Variants in TRPM3 observed in about 807,000 individuals in gnomAD.
The protein encoded by TRPM3 is long transient receptor potential channel 3.
TRPM3 carries 77 observed loss-of-function variants against 181.2 expected under a neutral mutation model. The observed-to-expected ratio is 0.42, with a 90% CI of 0.35 to 0.51. The LOEUF is 0.51. Ranked by LOEUF, TRPM3 falls within the 20% of genes least tolerant of loss-of-function variation. The pLI is 0.01. For synonymous variants in TRPM3, 745 were observed against 796.4 expected, an observed-to-expected ratio of 0.94 and a Z score of 1.09; for missense variants, 1,759 against 2,196.7, an observed-to-expected ratio of 0.80 and a Z score of 3.98.
At chr9:71,032,283 C>G (rs972408701) in intron 1 of TRPM3, among the ~76,000 whole-genome samples, 3 of 143,372 alleles carry the variant, frequency 2.1e-5, no homozygotes, top group Non-Finnish European at 4.5e-5. Flanking sequence ...GCTAGTCATT[C>G]TAAATCTACA....
chr9:71,379,146 A>G (rs2092732413), intron 1 of TRPM3, among the ~76,000 whole-genome samples: 1 of 152,024 alleles, frequency 6.6e-6, no homozygotes, highest in Non-Finnish European at 1.5e-5. Context: ...AACTTTTGCT[A>G]CGTGAAATAC....
intron 8 of TRPM3, among the ~76,000 whole-genome samples, chr9:70,742,520 T>G (rs1465265970): frequency 6.6e-6 from 1 of 152,190 alleles, no homozygotes; most frequent in African/African-American, 2.4e-5. Context: ...ACACTAGAAC[T>G]TATTCCCCCT....
At chr9:70,909,878 T>C (rs1275363391) in intron 1 of TRPM3, among the ~76,000 whole-genome samples, 1 of 152,126 alleles carries the variant, frequency 6.6e-6, no homozygotes, top group African/African-American at 2.4e-5. Flanking sequence ...CCCACCCTAA[T>C]AGCTAAAAGT....
chr9:71,234,358 C>T (rs1289244143), intron 1 of TRPM3, among the ~76,000 whole-genome samples: 1 of 152,196 alleles, frequency 6.6e-6, no homozygotes, highest in African/African-American at 2.4e-5. Flanking sequence ...TACAAGGTGG[C>T]AGGGATCATT....
At chr9:71,111,921 T>C (rs1243772931) in intron 1 of TRPM3, among the ~76,000 whole-genome samples, 1 of 152,248 alleles carries the variant, frequency 6.6e-6, no homozygotes, top group Non-Finnish European at 1.5e-5. Flanking sequence ...CAAGTTATTT[T>C]GACTCTGATT....
intron 1 of TRPM3, among the ~76,000 whole-genome samples, chr9:71,210,808 T>C (rs1037858806): frequency 6.6e-6 from 1 of 152,176 alleles, no homozygotes; most frequent in African/African-American, 2.4e-5. Flanking sequence ...AAGTCTAAGG[T>C]CAAGGTGCCA....
intron 1 of TRPM3, among the ~76,000 whole-genome samples, chr9:71,222,109 A>G (rs2080278450): frequency 6.6e-6 from 1 of 152,238 alleles, no homozygotes; most frequent in Non-Finnish European, 1.5e-5. Flanking sequence ...CTTTCAATAT[A>G]TTAGTTGAAG....
At chr9:70,642,965 T>C (rs1240667018) in intron 9 of TRPM3, among the ~76,000 whole-genome samples, 1 of 152,186 alleles carries the variant, frequency 6.6e-6, no homozygotes, top group Non-Finnish European at 1.5e-5. Context: ...AGAGCTGTGG[T>C]GCTCTGTTCC....
chr9:70,635,182 C>T, intron 12 of TRPM3, 29 bp downstream of exon 12: 4 of 1,610,288 alleles, frequency 2.5e-6, no homozygotes, highest in Non-Finnish European at 3.4e-6. Flanking sequence ...AAGACAGGGC[C>T]TCCGACCTGC....
At chr9:70,610,544 C>G in intron 19 of TRPM3, 65 bp downstream of exon 19, 1 of 1,564,004 alleles carries the variant, frequency 6.4e-7, no homozygotes, top group Non-Finnish European at 8.7e-7. Flanking sequence ...CACACAGATG[C>G]ATGAGAAATG....
chr9:71,384,558 G>A (rs1371989009), intron 1 of TRPM3, among the ~76,000 whole-genome samples: 4 of 152,102 alleles, frequency 2.6e-5, no homozygotes, highest in South Asian at 2.1e-4. Context: ...TTTCTAGCCC[G>A]AAAATTCCGT....
intron 1 of TRPM3, among the ~76,000 whole-genome samples, chr9:71,185,213 A>G (rs981786533): frequency 6.6e-6 from 1 of 152,076 alleles, no homozygotes; most frequent in Admixed American, 6.6e-5. Flanking sequence ...GCATGAAAGG[A>G]GAGAGGAGAT....
chr9:70,942,368 G>C (rs1390829383), intron 1 of TRPM3, among the ~76,000 whole-genome samples: 9 of 152,128 alleles, frequency 5.9e-5, no homozygotes, highest in Admixed American at 5.2e-4. Context: ...ACATATCTAG[G>C]CCAAAATGCA....
intron 1 of TRPM3, among the ~76,000 whole-genome samples, chr9:71,204,813 G>A (rs370807160): frequency 2.6e-5 from 4 of 152,120 alleles, no homozygotes; most frequent in Non-Finnish European, 5.9e-5. Flanking sequence ...GGAACCAAGC[G>A]AAATGTCCAA....
At chr9:71,249,666 AC>A (rs1241537243) in intron 1 of TRPM3, among the ~76,000 whole-genome samples, 1 of 152,200 alleles carries the variant, frequency 6.6e-6, no homozygotes, top group Non-Finnish European at 1.5e-5. Flanking sequence ...GCAAAATACA[AC>A]TAAAACAATT....
intron 1 of TRPM3, among the ~76,000 whole-genome samples, chr9:71,407,821 C>T (rs1002788102): frequency 6.6e-6 from 1 of 152,190 alleles, no homozygotes; most frequent in Non-Finnish European, 1.5e-5. Flanking sequence ...AGACACCTCC[C>T]AATAGGGGCC....
intron 1 of TRPM3, among the ~76,000 whole-genome samples, chr9:71,001,891 A>G (rs1416062454): frequency 6.6e-6 from 1 of 152,200 alleles, no homozygotes; most frequent in African/African-American, 2.4e-5. Flanking sequence ...AGGCTACACA[A>G]AATAGTTTTA....
At chr9:71,181,480 A>C (rs2077400623) in intron 1 of TRPM3, among the ~76,000 whole-genome samples, 1 of 152,022 alleles carries the variant, frequency 6.6e-6, no homozygotes, top group South Asian at 2.1e-4. Flanking sequence ...ATAAAGCAGC[A>C]AATAGGAAAT....
chr9:71,108,662 A>C (rs1005968967), intron 1 of TRPM3, among the ~76,000 whole-genome samples: 3 of 152,198 alleles, frequency 2.0e-5, no homozygotes, highest in African/African-American at 7.2e-5. Context: ...ACTTACAAAG[A>C]AAAGTATAAA....
Sources: gnomAD v4.1 joint callset for allele counts (sites outside exome capture counted in the v4.1 genomes callset) on GRCh38, gnomAD v4.1.1 for gene constraint, MANE v1.5 for transcripts, NCBI Gene and HGNC (gene_info 2026-07-23, HGNC 2026-07-21) for gene names.